COL13A1: variants seen among roughly 807,000 people sequenced by gnomAD.
The protein encoded by COL13A1 is collagen type XIII alpha 1 chain.
In COL13A1, 89 loss-of-function variants were observed where a neutral mutation model predicts 130.9. That is an observed-to-expected ratio of 0.68 (90% CI 0.57 to 0.81). The LOEUF (loss-of-function observed/expected upper bound fraction) is 0.81, where lower values mean the gene tolerates loss of function less well. Ranked by LOEUF, COL13A1 falls within the 30% of genes least tolerant of loss-of-function variation. The pLI, the probability that COL13A1 is intolerant of heterozygous loss-of-function variation, is 0.00. For synonymous variants in COL13A1, 402 were observed against 341.6 expected, an observed-to-expected ratio of 1.18 and a Z score of -1.95; for missense variants, 879 against 934.6, an observed-to-expected ratio of 0.94 and a Z score of 0.78.
chr10:69,846,967 C>G (rs1853320102), intron 2 of COL13A1, among the ~76,000 whole-genome samples: 1 of 152,212 alleles, frequency 6.6e-6, no homozygotes, highest in African/African-American at 2.4e-5. Context: ...GGGGCTCACC[C>G]CAGGGTGCTG....
rs141804973 is a variant in COL13A1 at position 69,941,528 on chromosome 10, G to A, written c.1914+505G>A. 2.2e-3 allele frequency among the ~76,000 whole-genome samples: 330 copies of A among 152,312 alleles called. 5 individuals are homozygous for A. Among genetic ancestry groups the A allele is most frequent in the Middle Eastern group, 6.8e-3 (2 of 294 alleles). ...ACAGCTTTGAAGGCTGAGGACAGGA[G>A]TAGCCTGCAGAAGCATAGAAGCCAG... On this transcript the variant is annotated intron_variant, in intron 35 of 40. Transcript: ENST00000645393.
chr10:69,869,321 C>T (rs895766623), intron 3 of COL13A1, among the ~76,000 whole-genome samples: 7 of 144,432 alleles, frequency 4.8e-5, no homozygotes, highest in Admixed American at 6.9e-5. Context: ...AAGAGGAGCC[C>T]TGAACCTTTG....
At position 69,897,474 on chromosome 10, in the gene COL13A1, G is replaced by C. The variant is rs1354320327; in HGVS notation, c.685-1223G>C. Reference sequence around the variant, plus strand: ...GCCACCTCCATCCCCTCCCAAACTAGGAGTGCCTAAGCAGCATGCCAGCAG... The same window carrying C: ...GCCACCTCCATCCCCTCCCAAACTACGAGTGCCTAAGCAGCATGCCAGCAG... On this transcript the variant is annotated intron_variant, in intron 13 of 40. Coordinates refer to ENST00000645393, the MANE Select transcript of COL13A1 (RefSeq NM_001368882.1). 6.2e-7 allele frequency: 1 copy of C among 1,613,856 alleles called. No individual in the cohort carries two copies. Among genetic ancestry groups the C allele is most frequent in the Non-Finnish European group, 8.5e-7 (1 of 1,179,814 alleles).
chr10:69,829,861 C>T (rs1424537323), intron 2 of COL13A1, among the ~76,000 whole-genome samples: 2 of 152,352 alleles, frequency 1.3e-5, no homozygotes, highest in Admixed American at 1.3e-4. Context: ...CTCTGCGTTT[C>T]AGAAATTCCT....
In COL13A1 at chr10:69,860,064, C is replaced by T. The variant is rs991526300; in HGVS notation, c.365-7734C>T. ...GCGGGACACCCACCTCTAAGCTGGA[C>T]GGAAGGCAGAGTCAGGGGGTCTGTA... On this transcript the variant is annotated intron_variant, in intron 2 of 40. Coordinates refer to ENST00000645393, the MANE Select transcript of COL13A1 (RefSeq NM_001368882.1). Among the ~76,000 whole-genome samples the T allele has an allele frequency of 3.7e-4, 56 of 152,172 alleles. 2 individuals carry two copies. Among genetic ancestry groups the T allele is most frequent in the Admixed American group, 6.5e-5 (1 of 15,284 alleles).
At chr10:69,842,811 G>A (rs1260588880) in intron 2 of COL13A1, among the ~76,000 whole-genome samples, 1 of 152,204 alleles carries the variant, frequency 6.6e-6, no homozygotes, top group Non-Finnish European at 1.5e-5. Context: ...GGAGCAGAGA[G>A]CCCAGCTCCC....
At chr10:69,929,981 G>C (rs556283690) in intron 28 of COL13A1, 62 bp from the exon 29 acceptor site, 14 of 1,456,816 alleles carry the variant, frequency 9.6e-6, no homozygotes, top group Non-Finnish European at 1.3e-5. Context: ...ACTAAGCAAT[G>C]CGTAACTGAT....
chr10:69,948,454 A>G (rs1309402324), intron 38 of COL13A1, among the ~76,000 whole-genome samples: 1 of 152,162 alleles, frequency 6.6e-6, no homozygotes, highest in African/African-American at 2.4e-5. Flanking sequence ...AACAAGAGGG[A>G]GCAGCAGCGC....
intron 3 of COL13A1, 147 bp downstream of exon 3, chr10:69,867,952 C>T (rs1161791130): frequency 7.9e-6 from 5 of 631,188 alleles, no homozygotes; most frequent in Middle Eastern, 4.0e-4. Context: ...TCCAGAATGC[C>T]TCTTGTGGGG....
chr10:69,905,582 C>G (rs544251475), intron 16 of COL13A1, among the ~76,000 whole-genome samples: 3 of 152,290 alleles, frequency 2.0e-5, no homozygotes, highest in African/African-American at 7.2e-5. Context: ...CAAAGTGGAG[C>G]CTGTTCTCAA....
Position 69,932,609 on chromosome 10 carries a change from A to C in COL13A1, c.1728+5A>C. On this transcript the variant is annotated splice_donor_5th_base_variant and intron_variant, in intron 31 of 40. Transcript: ENST00000645393. ...AAGGGCAATCCAGGAGCAGAGGTAC[A>C]TGAGAGATAATTTGACAGAGACTCA... 1 of 1,593,578 alleles carries C rather than the reference A, an allele frequency of 6.3e-7. No homozygotes were observed. Among genetic ancestry groups the C allele is most frequent in the Non-Finnish European group, 8.6e-7 (1 of 1,161,698 alleles).
intron 1 of COL13A1, among the ~76,000 whole-genome samples, chr10:69,821,609 A>C (rs1846093305): frequency 6.6e-6 from 1 of 152,220 alleles, no homozygotes; most frequent in South Asian, 2.1e-4. Flanking sequence ...CTCTAGAAAT[A>C]TCCCTGTTAA....
At chr10:69,868,740 A>AT (rs1309948768) in intron 3 of COL13A1, among the ~76,000 whole-genome samples, 2 of 152,052 alleles carry the variant, frequency 1.3e-5, no homozygotes, top group East Asian at 3.9e-4. Flanking sequence ...CGAAGACTCC[A>AT]TTTGTGCCCT....
intron 2 of COL13A1, among the ~76,000 whole-genome samples, chr10:69,828,018 T>C (rs146606395): frequency 6.6e-6 from 1 of 152,132 alleles, no homozygotes; most frequent in East Asian, 1.9e-4. Context: ...GATTCAAGAG[T>C]TGATGGTTAT....
chr10:69,861,174 T>C (rs1283419494), intron 2 of COL13A1, among the ~76,000 whole-genome samples: 2 of 152,036 alleles, frequency 1.3e-5, no homozygotes, highest in Non-Finnish European at 2.9e-5. Context: ...CACCTCCAGA[T>C]TGAAAGCAGG....
intron 22 of COL13A1, among the ~76,000 whole-genome samples, 180 bp downstream of exon 22, chr10:69,922,115 T>G (rs1427217632): frequency 6.6e-6 from 1 of 152,150 alleles, no homozygotes; most frequent in Non-Finnish European, 1.5e-5. Flanking sequence ...AGGCCCTGAT[T>G]GGCAAAAATA....
In COL13A1 at chr10:69,898,653, T is replaced by C. The variant is rs1193417289; in HGVS notation, c.685-44T>C. On this transcript the variant is annotated intron_variant, in intron 13 of 40. Transcript: ENST00000645393. ...GGCATCGATCTGAATACCTGTGATC[T>C]TTGGCCTTTGCCCTCTGGCCCTCCA... The C allele has an allele frequency of 2.5e-6, 4 of 1,579,128 alleles. No individual in the cohort carries two copies. The East Asian group carries it at 9.0e-5, about 35-fold the overall frequency.
chr10:69,860,755 C>T, intron 2 of COL13A1: 1 of 251,534 alleles, frequency 4.0e-6, no homozygotes, highest in Non-Finnish European at 7.8e-6. Flanking sequence ...AGGCTGCTAT[C>T]CCCCATTCCA....
At chr10:69,920,415 C>T (rs963971034) in intron 21 of COL13A1, among the ~76,000 whole-genome samples, 6 of 152,238 alleles carry the variant, frequency 3.9e-5, no homozygotes, top group Non-Finnish European at 8.8e-5. Flanking sequence ...ATATTGGACA[C>T]TGCTGTGCAC....
Sources: gnomAD v4.1 joint callset for allele counts (sites outside exome capture counted in the v4.1 genomes callset) on GRCh38, gnomAD v4.1.1 for gene constraint, MANE v1.5 for transcripts, NCBI Gene and HGNC (gene_info 2026-07-23, HGNC 2026-07-21) for gene names.